ADAMTS17: variants seen among roughly 807,000 people sequenced by gnomAD.
ADAMTS17 encodes ADAM metallopeptidase with thrombospondin type 1 motif 17.
In ADAMTS17, 113 loss-of-function variants were observed where a neutral mutation model predicts 141.5. The observed-to-expected ratio is 0.80, with a 90% CI of 0.69 to 0.93. ADAMTS17 has a LOEUF of 0.93. Ranked by LOEUF, ADAMTS17 falls within the 40% of genes least tolerant of loss-of-function variation. ADAMTS17 has a pLI of 0.00. For missense variants in ADAMTS17, 1,659 were observed against 1,517.9 expected, an observed-to-expected ratio of 1.09 and a Z score of -1.54; for synonymous variants, 768 against 630.6, an observed-to-expected ratio of 1.22 and a Z score of -3.27.
intron 15 of ADAMTS17, among the ~76,000 whole-genome samples, chr15:100,084,373 G>A (rs558262370): frequency 2.0e-5 from 3 of 152,334 alleles, no homozygotes; most frequent in African/African-American, 7.2e-5. Flanking sequence ...GCCCACCACA[G>A]CTCAAGGAGG....
intron 1 of ADAMTS17, 73 bp downstream of exon 1, chr15:100,341,748 G>C: frequency 1.3e-6 from 2 of 1,501,442 alleles, no homozygotes; most frequent in Non-Finnish European, 1.8e-6. Flanking sequence ...CGGGCCGCCA[G>C]GACGCCGCGA....
chr15:100,263,580 G>A (rs1243106682), intron 4 of ADAMTS17, among the ~76,000 whole-genome samples: 1 of 152,192 alleles, frequency 6.6e-6, no homozygotes, highest in African/African-American at 2.4e-5. Flanking sequence ...AGGAGTCAAA[G>A]TTGACATGGA....
At chr15:100,001,050 A>C (rs2060911855) in intron 18 of ADAMTS17, among the ~76,000 whole-genome samples, 1 of 151,864 alleles carries the variant, frequency 6.6e-6, no homozygotes, top group Admixed American at 6.6e-5. Flanking sequence ...AAATAGAGGG[A>C]AGAACACCAG....
At chr15:100,180,307 G>A (rs990936094) in intron 8 of ADAMTS17, among the ~76,000 whole-genome samples, 3 of 152,114 alleles carry the variant, frequency 2.0e-5, no homozygotes, top group African/African-American at 7.2e-5. Flanking sequence ...TGGCACCTTC[G>A]TCAAAAATGA....
chr15:100,224,072 C>T (rs973014470), intron 7 of ADAMTS17, among the ~76,000 whole-genome samples: 15 of 152,090 alleles, frequency 9.9e-5, no homozygotes, highest in South Asian at 6.2e-4. Flanking sequence ...TTAGATTGTG[C>T]CCACCAGATT....
chr15:100,254,661 G>A (rs560554931), intron 6 of ADAMTS17, among the ~76,000 whole-genome samples: 1 of 152,304 alleles, frequency 6.6e-6, no homozygotes, highest in East Asian at 1.9e-4. Context: ...CTACTATGCA[G>A]CCATAAAAAG....
At chr15:99,979,461 T>C (rs1260546958) in intron 20 of ADAMTS17, 5 of 151,462 alleles carry the variant, frequency 3.3e-5, no homozygotes, top group Admixed American at 6.6e-5. Context: ...TCCACACAAA[T>C]GTGGTAGATG....
rs779200512 is a variant in ADAMTS17 at position 100,149,405 on chromosome 15, G to A, written c.1473+3207C>T. 3.9e-5 allele frequency among the ~76,000 whole-genome samples: 6 copies of A among 152,222 alleles called. No homozygotes were observed. The South Asian group carries it at 6.2e-4, about 16-fold the overall frequency. On this transcript the variant is annotated intron_variant, in intron 10 of 21. Transcript: ENST00000268070. ...CTCCATTTTAAAGTTTAACTTCCTC[G>A]CAGTTTCCATAAACAACCTTTTCCA...
chr15:100,042,569 T>C (rs1196230329), intron 18 of ADAMTS17, among the ~76,000 whole-genome samples: 1 of 152,252 alleles, frequency 6.6e-6, no homozygotes, highest in Non-Finnish European at 1.5e-5. Context: ...GGATGCATTT[T>C]ATAGCTTCTT....
intron 10 of ADAMTS17, among the ~76,000 whole-genome samples, chr15:100,147,706 T>C (rs981308229): frequency 3.3e-5 from 5 of 152,220 alleles, no homozygotes; most frequent in African/African-American, 1.2e-4. Flanking sequence ...TTTCTCCCTT[T>C]CTGGCCTTTG....
chr15:99,997,276 G>C lies in ADAMTS17; in HGVS notation c.2796+109C>G. 7.9e-7 allele frequency: 1 copy of C among 1,263,948 alleles called. No individual in the cohort carries two copies. The highest frequency in any genetic ancestry group is 1.2e-5 in the South Asian group (1 of 83,326). 78.3% of individuals were successfully genotyped at this position (1,263,948 alleles called of 1,614,324 possible). A position where few individuals can be genotyped will look rare whatever the true frequency, so the allele number is the denominator to read the frequency against. On this transcript the variant is annotated intron_variant, in intron 19 of 21. Coordinates refer to ENST00000268070, the MANE Select transcript of ADAMTS17 (RefSeq NM_139057.4). This position sits in a 1 kb window ranked among gnomAD's most constrained non-coding sequence, Gnocchi z 4.7. ...CACATGAGCTATAACACAACTTCAA[G>C]CTGACCTGGGGGCGAGCGAGGGCTG...
At chr15:100,191,456 A>G (rs2040913901) in intron 8 of ADAMTS17, among the ~76,000 whole-genome samples, 1 of 152,236 alleles carries the variant, frequency 6.6e-6, no homozygotes, top group Admixed American at 6.5e-5. Flanking sequence ...GCCAGGCATC[A>G]GGCCTGGCCT....
chr15:100,008,702 G>A (rs2061091202), intron 18 of ADAMTS17, among the ~76,000 whole-genome samples: 2 of 152,234 alleles, frequency 1.3e-5, no homozygotes, highest in South Asian at 4.1e-4. Context: ...TGGAAAGCGA[G>A]ATGGATCAGA....
At chr15:100,137,935 G>C (rs915577868) in intron 10 of ADAMTS17, among the ~76,000 whole-genome samples, 1 of 150,442 alleles carries the variant, frequency 6.6e-6, no homozygotes, top group African/African-American at 2.5e-5. Flanking sequence ...CCCTTTCACT[G>C]CCAACACCAA....
At chr15:100,081,612 C>T (rs2034741563) in intron 15 of ADAMTS17, among the ~76,000 whole-genome samples, 1 of 152,190 alleles carries the variant, frequency 6.6e-6, no homozygotes, top group South Asian at 2.1e-4. Flanking sequence ...ACCAGGTCAG[C>T]TACTGTGAGA....
chr15:100,330,175 G>A (rs749629623), intron 3 of ADAMTS17, among the ~76,000 whole-genome samples: 2 of 152,094 alleles, frequency 1.3e-5, no homozygotes, highest in African/African-American at 2.4e-5. Flanking sequence ...AGAGCCCCAG[G>A]TTCTCCCCCC....
At chr15:100,063,450 T>A (rs2033272365) in intron 15 of ADAMTS17, among the ~76,000 whole-genome samples, 1 of 152,164 alleles carries the variant, frequency 6.6e-6, no homozygotes, top group Admixed American at 6.5e-5. Context: ...CCCAAGCTTG[T>A]CTTCCATCAT....
intron 15 of ADAMTS17, among the ~76,000 whole-genome samples, chr15:100,057,053 T>TG (rs2032639000): frequency 6.6e-6 from 1 of 152,068 alleles, no homozygotes; most frequent in Non-Finnish European, 1.5e-5. Flanking sequence ...GGTGTGTGGC[T>TG]GCCTGCAGTG....
At chr15:100,227,776 G>C (rs1427453140) in intron 7 of ADAMTS17, among the ~76,000 whole-genome samples, 7 of 152,226 alleles carry the variant, frequency 4.6e-5, no homozygotes, top group Admixed American at 3.3e-4. Flanking sequence ...GACCAGGTAA[G>C]TGATTATCCA....
Sources: gnomAD v4.1 joint callset for allele counts (sites outside exome capture counted in the v4.1 genomes callset) on GRCh38, gnomAD v4.1.1 for gene constraint, Gnocchi (gnomAD v3.1) non-coding constraint, MANE v1.5 for transcripts, NCBI Gene and HGNC (gene_info 2026-07-23, HGNC 2026-07-21) for gene names.